The following CELF2 variants were observed in gnomAD, a reference collection of about 807,000 sequenced individuals.
The protein encoded by CELF2 is CUGBP Elav-like family member 2.
A neutral mutation model predicts 62.6 loss-of-function variants in CELF2; 8 were observed. That is an observed-to-expected ratio of 0.13 (90% CI 0.07 to 0.23). The LOEUF is 0.23. CELF2 is among the 10% of genes least tolerant of loss of function. The probability of loss-of-function intolerance (pLI) is 1.00; values close to 1 mark genes in which losing one functional copy is unlikely to be tolerated. For missense variants in CELF2, 333 were observed against 671.0 expected, an observed-to-expected ratio of 0.50 and a Z score of 5.56; for synonymous variants, 258 against 250.0, an observed-to-expected ratio of 1.03 and a Z score of -0.30.
intron 2 of CELF2, among the ~76,000 whole-genome samples, chr10:10,961,400 G>A (rs552276757): frequency 2.6e-5 from 4 of 152,044 alleles, no homozygotes; most frequent in African/African-American, 9.7e-5. Flanking sequence ...TGAATTTCTT[G>A]GTTTTAAAAA....
intron 8 of CELF2, among the ~76,000 whole-genome samples, chr10:11,277,681 A>G (rs547778739): frequency 6.6e-6 from 1 of 152,384 alleles, no homozygotes; most frequent in South Asian, 2.1e-4. Flanking sequence ...TAATGATAGT[A>G]TCTTTACAAA....
rs772288160 is a variant in CELF2, at chr10:10,931,297, CA to C, written c.89+11299del. Among the ~76,000 whole-genome samples, 2 of 152,128 alleles carry C rather than the reference CA, an allele frequency of 1.3e-5. No homozygotes were observed. Among genetic ancestry groups the C allele is most frequent in the Non-Finnish European group, 2.9e-5 (2 of 68,038 alleles). On this transcript the variant is annotated intron_variant, in intron 2 of 13. Coordinates refer to the CELF2 transcript ENST00000636488. This position sits in a 1 kb window ranked among gnomAD's most constrained non-coding sequence, Gnocchi z 6.1. ...AAGCTGAGGCAGTGACATGAGCCAGCAGAGAAAATAAATTCCCCATTAGGCC... is the reference window on the plus strand; with the variant it reads ...AAGCTGAGGCAGTGACATGAGCCAGCGAGAAAATAAATTCCCCATTAGGCC...
chr10:11,211,589 A>G lies in CELF2; in HGVS notation c.272-5836A>G, dbSNP rs2061785940. Among the ~76,000 whole-genome samples the G allele has an allele frequency of 6.6e-6, 1 of 152,100 alleles. No homozygotes were observed. Among genetic ancestry groups the G allele is most frequent in the Non-Finnish European group, 1.5e-5 (1 of 68,006 alleles). On this transcript the variant is annotated intron_variant, in intron 2 of 12. Transcript: ENST00000633077. The surrounding 1 kb of genome is among the most constrained non-coding windows in gnomAD (Gnocchi z 4.8). ...CAGTACATTTTTTTTTCCTGTGAGT[A>G]TTATTACCCAGAGTTTCCAAGTAAA...
chr10:10,483,921 C>A, the CELF2 span, among the ~76,000 whole-genome samples: 1 of 149,800 alleles, frequency 6.7e-6, no homozygotes, highest in Non-Finnish European at 1.5e-5. Flanking sequence ...TCTCATCTCT[C>A]TCTCAACTCT....
Position 11,017,895 on chromosome 10 carries a change from C to A in CELF2, c.-195C>A. 1.0e-6 allele frequency: 1 copy of A among 962,816 alleles called. No individual in the cohort carries two copies. Among genetic ancestry groups the A allele is most frequent in the African/African-American group, 1.8e-5 (1 of 56,508 alleles). 59.6% of individuals were successfully genotyped at this position (962,816 alleles called of 1,614,324 possible). On this transcript the variant is annotated 5_prime_UTR_variant, in exon 1 of 13. Coordinates refer to ENST00000633077, the MANE Select transcript of CELF2 (RefSeq NM_001326342.2). This position sits in a 1 kb window ranked among gnomAD's most constrained non-coding sequence, Gnocchi z 5.5. Reference sequence around the variant, plus strand: ...CCGCCCCCGCCCGCCGCACCTGGCGCTCGGCAGCCGGCCGCCCCGGCGCTG... The same window carrying A: ...CCGCCCCCGCCCGCCGCACCTGGCGATCGGCAGCCGGCCGCCCCGGCGCTG...
rs183144178 is a variant in CELF2 at position 11,039,362 on chromosome 10, C to T, written c.74+21199C>T. ...GGATGTAAGCTCATCTCAAATGTAG[C>T]CCATCAAAGCTATTAAATAACATAG... On this transcript the variant is annotated intron_variant, in intron 1 of 12. Transcript: ENST00000633077. The surrounding 1 kb of genome is among the most constrained non-coding windows in gnomAD (Gnocchi z 4.1). 8.5e-5 allele frequency among the ~76,000 whole-genome samples: 13 copies of T among 152,294 alleles called. No individual in the cohort carries two copies. In the East Asian group the frequency reaches 2.5e-3, roughly 29 times the overall value.
the CELF2 span, among the ~76,000 whole-genome samples, chr10:10,540,819 C>G: frequency 6.6e-6 from 1 of 152,172 alleles, no homozygotes; most frequent in East Asian, 1.9e-4. Flanking sequence ...GCTGTGTTCT[C>G]TACACTCATA....
At chr10:10,801,995 A>C (rs2054709711) in intron 1 of CELF2, among the ~76,000 whole-genome samples, 1 of 152,206 alleles carries the variant, frequency 6.6e-6, no homozygotes, top group Non-Finnish European at 1.5e-5. Context: ...GTCTACCCCA[A>C]GGGACATAAA....
intron 1 of CELF2, among the ~76,000 whole-genome samples, chr10:10,835,924 C>T (rs977222595): frequency 7.9e-5 from 12 of 152,116 alleles, no homozygotes; most frequent in South Asian, 4.2e-4. Flanking sequence ...CTGTACAGAA[C>T]GAAGTGATGG....
At chr10:10,716,338 C>T in the CELF2 span, among the ~76,000 whole-genome samples, 20 of 152,238 alleles carry the variant, frequency 1.3e-4, no homozygotes, top group South Asian at 3.7e-3. Flanking sequence ...CCCAGGAGTT[C>T]GAGACCAGCC....
At chr10:10,564,771 G>A in the CELF2 span, among the ~76,000 whole-genome samples, 5 of 151,384 alleles carry the variant, frequency 3.3e-5, no homozygotes, top group African/African-American at 1.2e-4. Context: ...GTTCCACAGT[G>A]CTCTAAACAA....
chr10:11,189,805 A>G (rs1389456468), intron 2 of CELF2, among the ~76,000 whole-genome samples: 1 of 152,248 alleles, frequency 6.6e-6, no homozygotes, highest in African/African-American at 2.4e-5. Context: ...TTCCAGCACC[A>G]GCGATGGTAT....
In CELF2 at chr10:11,242,164, T is replaced by C. The variant is rs1346242610; in HGVS notation, c.355-6989T>C. 6.6e-6 allele frequency among the ~76,000 whole-genome samples: 1 copy of C among 152,196 alleles called. No homozygotes were observed. The highest frequency in any genetic ancestry group is 2.4e-5 in the African/African-American group (1 of 41,426). ...AATATGTGCTAGCACGGCTGCTCTC[T>C]CCAGGGGTCAGGATGGGTTTAATAA... On this transcript the variant is annotated intron_variant, in intron 3 of 12. Transcript: ENST00000633077. This position sits in a 1 kb window ranked among gnomAD's most constrained non-coding sequence, Gnocchi z 4.8.
the CELF2 span, among the ~76,000 whole-genome samples, chr10:10,640,724 T>A: frequency 2.6e-5 from 4 of 152,212 alleles, no homozygotes; most frequent in African/African-American, 7.2e-5. Context: ...CTGTGCACCT[T>A]GTTAGCATTC....
the CELF2 span, among the ~76,000 whole-genome samples, chr10:10,780,893 C>T: frequency 1.3e-5 from 2 of 152,228 alleles, no homozygotes. Flanking sequence ...CTCTAATTAA[C>T]ATGCCAATGA....
chr10:11,112,493 AC>A (rs1189798111), intron 1 of CELF2, among the ~76,000 whole-genome samples: 1 of 152,240 alleles, frequency 6.6e-6, no homozygotes, highest in Non-Finnish European at 1.5e-5. Context: ...ATGCACATTC[AC>A]ATGAGAGGGA....
In CELF2 at chr10:10,869,843, C is replaced by A. The variant is rs150227239; in HGVS notation, c.54-50121C>A. On this transcript the variant is annotated intron_variant, in intron 1 of 13. Transcript: ENST00000636488. ...ATTACAAAAATTAAATAGCTGAATG[C>A]GGTGACATGTTTCTTTGGTCCCAGC... 4.4e-3 allele frequency among the ~76,000 whole-genome samples: 671 copies of A among 152,130 alleles called. 5 individuals are homozygous for A. The highest frequency in any genetic ancestry group is 0.016 in the African/African-American group (645 of 41,482).
chr10:10,917,052 G>A (rs2064408245), intron 1 of CELF2, among the ~76,000 whole-genome samples: 1 of 151,664 alleles, frequency 6.6e-6, no homozygotes, highest in Non-Finnish European at 1.5e-5. Context: ...AGTTTTTACA[G>A]AAACAAGAAT....
chr10:11,198,844 A>G (rs1315189406), intron 2 of CELF2, among the ~76,000 whole-genome samples: 2 of 152,206 alleles, frequency 1.3e-5, no homozygotes, highest in African/African-American at 4.8e-5. Context: ...CAATCTATAG[A>G]CTGTTAGTGA....
Sources: allele counts gnomAD v4.1 joint callset (sites outside exome capture counted in the v4.1 genomes callset), GRCh38; gene constraint gnomAD v4.1.1; non-coding constraint Gnocchi (gnomAD v3.1); transcripts MANE v1.5; gene names NCBI Gene and HGNC (gene_info 2026-07-23, HGNC 2026-07-21).